XPO6: variants seen among roughly 807,000 people sequenced by gnomAD.
XPO6 encodes exportin-6.
Under a neutral mutation model 130.0 loss-of-function variants are expected in XPO6, and 3 were observed. The observed-to-expected ratio is 0.02, with a 90% confidence interval of 0.01 to 0.06. XPO6 has a LOEUF of 0.06. Ranked by LOEUF, XPO6 falls within the 10% of genes least tolerant of loss-of-function variation. The pLI is 1.00. For synonymous variants in XPO6, 524 were observed against 548.9 expected, an observed-to-expected ratio of 0.95 and a Z score of 0.63; for missense variants, 970 against 1,393.0, an observed-to-expected ratio of 0.70 and a Z score of 4.83.
chr16:28,156,524 T>C lies in XPO6; in HGVS notation c.647A>G (p.Asp216Gly), dbSNP rs769274948. 1 of 1,537,164 alleles carries C rather than the reference T, an allele frequency of 6.5e-7. No homozygotes were observed. The highest frequency in any genetic ancestry group is 1.3e-5 in the South Asian group (1 of 79,106). ...ACTCTGCAACAGGTTACTCAGTAAG[T>C]CACCTGAAAATAAGAAAGGCTTTTA... Reference protein sequence around the residue: ...PPSPTSGESGDLLSNLLQSPS... With the variant: ...PPSPTSGESGGLLSNLLQSPS... The change falls in exon 7 of 24, where the codon GAC (aspartate) becomes GGC (glycine). Residue 216 changes from aspartate (D) to glycine (G), a missense_variant. Physicochemically the swap from Asp to Gly is moderately conservative, Grantham distance 94. Transcript: ENST00000304658.
At position 28,106,448 on chromosome 16, in the gene XPO6, A is replaced by G. The variant is rs754156951; in HGVS notation, c.2547T>C (p.Leu849=). ...TGAAAGGCACACCCATCTGTACTCT[A>G]AGGCCTCGAAACAGAGTGAGGAAGA... is the stretch of plus-strand genomic sequence containing the variant. The part of the protein sequence containing the change: ...LSFFLTLFRG[L]RVQMGVPFTE... The change falls in exon 19 of 24, where the codon CTT becomes CTC. Residue 849 remains leucine (L), a synonymous_variant. Coordinates refer to ENST00000304658, the MANE Select transcript of XPO6 (RefSeq NM_015171.4). This position sits in a 1 kb window ranked among gnomAD's most constrained non-coding sequence, Gnocchi z 4.2. 1 of 1,614,200 alleles carries G rather than the reference A, an allele frequency of 6.2e-7. No homozygotes were observed.
At chr16:28,197,710 T>C (rs1396300532) in intron 1 of XPO6, among the ~76,000 whole-genome samples, 1 of 148,936 alleles carries the variant, frequency 6.7e-6, no homozygotes, top group Non-Finnish European at 1.5e-5. Context: ...AGGTCAGGAG[T>C]TCAAGACCAG....
chr16:28,107,375 C>T, intron 18 of XPO6, 147 bp downstream of exon 18: 1 of 965,570 alleles, frequency 1.0e-6, no homozygotes, highest in Non-Finnish European at 1.5e-6. Context: ...ATAAACATCA[C>T]TGCCCTTTCC....
rs559798472 is a variant in XPO6 at position 28,180,571 on chromosome 16, C to T, written c.94+370G>A. 3.5e-3 allele frequency among the ~76,000 whole-genome samples: 538 copies of T among 152,134 alleles called. 5 individuals carry two copies. Among genetic ancestry groups the T allele is most frequent in the African/African-American group, 0.013 (520 of 41,492 alleles). ...AACCATCCAGGTGCAGTGGCTCCCGCTTATAATCCCAGCTATTCAGGAGGC... is the reference window on the plus strand; with the variant it reads ...AACCATCCAGGTGCAGTGGCTCCCGTTTATAATCCCAGCTATTCAGGAGGC... On this transcript the variant is annotated intron_variant, in intron 2 of 23. Transcript: ENST00000304658.
intron 2 of XPO6, among the ~76,000 whole-genome samples, chr16:28,178,302 C>T (rs2141866726): frequency 6.6e-6 from 1 of 152,246 alleles, no homozygotes; most frequent in African/African-American, 2.4e-5. Context: ...GGCACAGTGG[C>T]TCACATCTGT....
chr16:28,160,814 C>T (rs903233661), intron 6 of XPO6, among the ~76,000 whole-genome samples: 3 of 152,062 alleles, frequency 2.0e-5, no homozygotes, highest in African/African-American at 4.8e-5. Flanking sequence ...GAAATTAAAG[C>T]TGAGAAGTGT....
At chr16:28,127,598 G>A (rs1006559403) in intron 12 of XPO6, among the ~76,000 whole-genome samples, 3 of 152,188 alleles carry the variant, frequency 2.0e-5, no homozygotes, top group Non-Finnish European at 2.9e-5. Flanking sequence ...AGTAAACACG[G>A]ATGGGTGGCA....
chr16:28,164,513 A>G (rs185781824), intron 6 of XPO6, among the ~76,000 whole-genome samples: 81 of 152,352 alleles, frequency 5.3e-4, no homozygotes, highest in South Asian at 4.3e-3. Flanking sequence ...TTAAAAGCTT[A>G]CATAACTCCC....
chr16:28,190,046 G>A (rs751166423), intron 1 of XPO6, among the ~76,000 whole-genome samples: 5 of 152,140 alleles, frequency 3.3e-5, no homozygotes, highest in Non-Finnish European at 5.9e-5. Context: ...CTGTGGCAGT[G>A]ATAACATGGA....
At chr16:28,152,566 G>C in intron 8 of XPO6, 93 bp downstream of exon 8, 1 of 1,453,604 alleles carries the variant, frequency 6.9e-7, no homozygotes, top group Non-Finnish European at 9.3e-7. Flanking sequence ...TTAATGTTTG[G>C]AAAATAAAGT....
intron 4 of XPO6, among the ~76,000 whole-genome samples, chr16:28,174,434 G>C (rs886966294): frequency 6.6e-6 from 1 of 152,000 alleles, no homozygotes; most frequent in East Asian, 1.9e-4. Context: ...TTTATTGTTC[G>C]TTGATGCCCT....
intron 4 of XPO6, among the ~76,000 whole-genome samples, chr16:28,174,759 T>C (rs891013678): frequency 1.3e-5 from 2 of 152,242 alleles, no homozygotes; most frequent in African/African-American, 4.8e-5. Context: ...GATATTGTTC[T>C]GGAAAATCCT....
chr16:28,200,315 T>C (rs996960686), intron 1 of XPO6, among the ~76,000 whole-genome samples: 4 of 152,176 alleles, frequency 2.6e-5, no homozygotes, highest in Non-Finnish European at 4.4e-5. Flanking sequence ...ATAACCTTCA[T>C]ATAAAACAGC....
rs942450749 is a variant in XPO6, at chr16:28,117,191, T to C, written c.2004+127A>G. 2.4e-6 allele frequency: 3 copies of C among 1,247,374 alleles called. No homozygotes were observed. In the African/African-American group the frequency reaches 4.5e-5, roughly 19 times the overall value. 77.3% of individuals were successfully genotyped at this position (1,247,374 alleles called of 1,614,324 possible). A position where few individuals can be genotyped will look rare whatever the true frequency, so the allele number is the denominator to read the frequency against. ...AAAAAGGAACATGAAATAAAACAGATGTATAACAGCAGAAAGATTTATGGG... is the reference window on the plus strand; with the variant it reads ...AAAAAGGAACATGAAATAAAACAGACGTATAACAGCAGAAAGATTTATGGG... On this transcript the variant is annotated intron_variant, in intron 15 of 23. Transcript: ENST00000304658.
rs745374496 is a variant in XPO6 at position 28,098,604 on chromosome 16, C to T, written c.3312G>A (p.Leu1104=). The part of the protein sequence containing the change: ...LPSFTQNVHR[L]VNDLRYYRLC... ...GTCTGTAGTAGCGCAGGTCGTTGACCAGCCTGTGCACATTCTGGGTGAATG... is the reference window on the plus strand; with the variant it reads ...GTCTGTAGTAGCGCAGGTCGTTGACTAGCCTGTGCACATTCTGGGTGAATG... The change falls in exon 24 of 24, where the codon CTG becomes CTA. Residue 1104 remains leucine, a synonymous_variant. Coordinates refer to ENST00000304658, the MANE Select transcript of XPO6 (RefSeq NM_015171.4). The T allele has an allele frequency of 6.2e-7, 1 of 1,612,776 alleles. No homozygotes were observed. Among genetic ancestry groups the T allele is most frequent in the Non-Finnish European group, 8.5e-7 (1 of 1,179,206 alleles).
chr16:28,162,872 G>A lies in XPO6; in HGVS notation c.643+3636C>T, dbSNP rs1471032588. 7.9e-5 allele frequency among the ~76,000 whole-genome samples: 12 copies of A among 152,154 alleles called. No individual in the cohort carries two copies. In the East Asian group the frequency reaches 1.4e-3, roughly 17 times the overall value. On this transcript the variant is annotated intron_variant, in intron 6 of 23. Transcript: ENST00000304658. ...ATGCCCAGCCCTGTAATAAACTTTC[G>A]TGCAAAGCTTTTTAATTATTGAAAC...
rs749004319 is a variant in XPO6, at chr16:28,169,732, C to T, written c.565+18G>A. The T allele has an allele frequency of 1.9e-6, 3 of 1,612,160 alleles. No individual in the cohort carries two copies. Among genetic ancestry groups the T allele is most frequent in the South Asian group, 2.2e-5 (2 of 90,918 alleles). The stretch of plus-strand genomic sequence containing the variant: ...CTGCGGGCAGGCCTCTATCTCTGGG[C>T]ACTACCATACTGCTCACCTGTCAGT... On this transcript the variant is annotated intron_variant, in intron 5 of 23. Transcript: ENST00000304658.
intron 14 of XPO6, among the ~76,000 whole-genome samples, chr16:28,120,609 AGTT>A (rs1273064200): frequency 6.6e-6 from 1 of 152,196 alleles, no homozygotes; most frequent in Non-Finnish European, 1.5e-5. Flanking sequence ...AATGTGTACA[AGTT>A]GTTGTATTTA....
chr16:28,114,263 G>GA (rs1277916418), intron 15 of XPO6, among the ~76,000 whole-genome samples: 1 of 149,314 alleles, frequency 6.7e-6, no homozygotes, highest in African/African-American at 2.5e-5. Flanking sequence ...ATATGTAAAG[G>GA]AAAATGAAGG....
Sources: gnomAD v4.1 joint callset for allele counts (sites outside exome capture counted in the v4.1 genomes callset) on GRCh38, gnomAD v4.1.1 for gene constraint, Gnocchi (gnomAD v3.1) non-coding constraint, MANE v1.5 for transcripts, NCBI Gene and HGNC (gene_info 2026-07-23, HGNC 2026-07-21) for gene names.